The following PRKN variants were observed in gnomAD, a reference collection of about 807,000 sequenced individuals.
The protein encoded by PRKN is E3 ubiquitin-protein ligase parkin.
A neutral mutation model predicts 59.5 loss-of-function variants in PRKN; 56 were observed. The observed-to-expected ratio is 0.94, with a 90% confidence interval of 0.76 to 1.18. The LOEUF is 1.18. Among genes scored for constraint, PRKN ranks in the 50% most tolerant of loss-of-function variants. The probability of loss-of-function intolerance (pLI) is 0.00; values close to 1 mark genes in which losing one functional copy is unlikely to be tolerated. For synonymous variants in PRKN, 250 were observed against 222.1 expected (o/e 1.13, Z -1.12); for missense variants, 657 against 596.4 (o/e 1.10, Z -1.06).
intron 6 of PRKN, among the ~76,000 whole-genome samples, chr6:161,876,515 G>A (rs1377897408): frequency 6.6e-6 from 1 of 152,090 alleles, no homozygotes; most frequent in Non-Finnish European, 1.5e-5. Context: ...GCCTCACTAT[G>A]TTGCCCAGGC....
intron 4 of PRKN, among the ~76,000 whole-genome samples, chr6:162,143,500 CT>C (rs1216136394): frequency 2.0e-5 from 3 of 152,122 alleles, no homozygotes; most frequent in Non-Finnish European, 4.4e-5. Context: ...GACCAGACTT[CT>C]ACTACAGAGA....
chr6:161,607,014 A>C (rs1782308904), intron 7 of PRKN, among the ~76,000 whole-genome samples: 1 of 152,146 alleles, frequency 6.6e-6, no homozygotes, highest in Non-Finnish European at 1.5e-5. Flanking sequence ...CTGCATGTTG[A>C]TTGGTGATAG....
At chr6:162,095,590 A>G (rs1779691814) in intron 4 of PRKN, among the ~76,000 whole-genome samples, 1 of 152,242 alleles carries the variant, frequency 6.6e-6, no homozygotes, top group African/African-American at 2.4e-5. Flanking sequence ...TTACATCTGC[A>G]GAATAACTCA....
chr6:161,742,512 A>G (rs1426433627), intron 7 of PRKN, among the ~76,000 whole-genome samples: 1 of 152,186 alleles, frequency 6.6e-6, no homozygotes, highest in South Asian at 2.1e-4. Flanking sequence ...TTTCAAAACA[A>G]TATTTTAGTC....
chr6:161,763,911 C>T (rs1303000312), intron 7 of PRKN, among the ~76,000 whole-genome samples: 1 of 152,110 alleles, frequency 6.6e-6, no homozygotes, highest in Non-Finnish European at 1.5e-5. Flanking sequence ...TTTCACCTCT[C>T]CTCTTGCCCC....
intron 2 of PRKN, among the ~76,000 whole-genome samples, chr6:162,325,027 G>A (rs1324393747): frequency 6.6e-6 from 1 of 151,936 alleles, no homozygotes; most frequent in Non-Finnish European, 1.5e-5. Context: ...GAACTAAGCA[G>A]AACGAGGATA....
rs2072203498 is a variant in PRKN at position 161,732,075 on chromosome 6, T to C, written c.871+53697A>G. The stretch of plus-strand genomic sequence containing the variant: ...AGTACTAAGCCTAATACCCAACAGG[T>C]ACTTTTTCTTGTTCTATTTTTTTTT... On this transcript the variant is annotated intron_variant, in intron 7 of 11. Transcript: ENST00000366898. Among the ~76,000 whole-genome samples, 3 of 149,496 alleles carry C rather than the reference T, an allele frequency of 2.0e-5. 1 individual carries two copies. Among genetic ancestry groups the C allele is most frequent in the African/African-American group, 7.7e-5 (3 of 39,120 alleles).
chr6:161,641,362 A>G (rs185216361), intron 7 of PRKN, among the ~76,000 whole-genome samples: 28 of 152,262 alleles, frequency 1.8e-4, no homozygotes, highest in Admixed American at 1.1e-3. Flanking sequence ...CCTGCATTCA[A>G]TGGATCAGTT....
chr6:162,513,961 C>T (rs113234434), intron 1 of PRKN, among the ~76,000 whole-genome samples: 13,687 of 151,564 alleles, frequency 0.09, 656 homozygotes, highest in South Asian at 0.17. Context: ...CAGGAGAATC[C>T]CTTGAACCTG....
intron 6 of PRKN, among the ~76,000 whole-genome samples, chr6:161,951,544 A>G (rs1206624938): frequency 6.6e-6 from 1 of 152,218 alleles, no homozygotes; most frequent in Non-Finnish European, 1.5e-5. Flanking sequence ...TGGAATAGAC[A>G]AGCTCAAAAC....
At chr6:162,625,319 G>A (rs1359573156) in intron 1 of PRKN, among the ~76,000 whole-genome samples, 3 of 152,180 alleles carry the variant, frequency 2.0e-5, no homozygotes, top group East Asian at 1.9e-4. Flanking sequence ...GAAGGATGAC[G>A]TTAAAGTGAG....
At chr6:161,811,757 T>C (rs1791571769) in intron 6 of PRKN, among the ~76,000 whole-genome samples, 1 of 151,974 alleles carries the variant, frequency 6.6e-6, no homozygotes, top group Non-Finnish European at 1.5e-5. Context: ...ACTCCATCTC[T>C]ACTAAAAATA....
chr6:162,479,551 A>C (rs1414940603), intron 1 of PRKN, among the ~76,000 whole-genome samples: 1 of 152,116 alleles, frequency 6.6e-6, no homozygotes, highest in Non-Finnish European at 1.5e-5. Flanking sequence ...ATTTTTGTTA[A>C]AAAGCAAGAC....
intron 7 of PRKN, among the ~76,000 whole-genome samples, chr6:161,583,792 A>G (rs59999601): frequency 0.1 from 15,229 of 152,208 alleles, 2,601 homozygotes; most frequent in African/African-American, 0.35. Context: ...TGATACAGAC[A>G]TACATCATCG....
intron 7 of PRKN, among the ~76,000 whole-genome samples, chr6:161,768,237 C>G (rs1463057907): frequency 6.6e-6 from 1 of 152,044 alleles, no homozygotes; most frequent in Non-Finnish European, 1.5e-5. Context: ...TGGGATGGCT[C>G]AAATGCATCT....
rs1791511633 is a variant in PRKN at position 161,483,465 on chromosome 6, C to T, written c.1083+65389G>A. Among the ~76,000 whole-genome samples, 1 of 152,178 alleles carries T rather than the reference C, an allele frequency of 6.6e-6. No homozygotes were observed. Among genetic ancestry groups the T allele is most frequent in the Non-Finnish European group, 1.5e-5 (1 of 68,040 alleles). On this transcript the variant is annotated intron_variant, in intron 9 of 11. Transcript: ENST00000366898. The surrounding 1 kb of genome is among the most constrained non-coding windows in gnomAD (Gnocchi z 5.0). ...GCCTTCATGAACTTTCAGGCCTCAT[C>T]TATAAGGTCAGGAAAGGGGTCATAG...
At chr6:161,942,424 G>A (rs1248851600) in intron 6 of PRKN, among the ~76,000 whole-genome samples, 4 of 152,166 alleles carry the variant, frequency 2.6e-5, no homozygotes, top group East Asian at 1.9e-4. Flanking sequence ...CCAGCTACTC[G>A]GGAGGTTGAG....
At position 162,369,936 on chromosome 6, in the gene PRKN, C is replaced by T. The variant is rs577773335; in HGVS notation, c.171+73374G>A. On this transcript the variant is annotated intron_variant, in intron 2 of 11. Transcript: ENST00000366898. ...ATCCTCGTCATGGGGTCAGTGGAATCGGGGCAGTTTGCTGGAGTGAAAGCC... is the reference window on the plus strand; with the variant it reads ...ATCCTCGTCATGGGGTCAGTGGAATTGGGGCAGTTTGCTGGAGTGAAAGCC... Among the ~76,000 whole-genome samples, 107 of 152,228 alleles carry T rather than the reference C, an allele frequency of 7.0e-4. 1 individual carries two copies. The South Asian group carries it at 0.012, about 16-fold the overall frequency.
Position 162,134,864 on chromosome 6 carries a change from G to A in PRKN, c.534+66267C>T, listed in dbSNP as rs140749579. ...GCACTGTTGAAAACTAAAGATTAGA[G>A]TCCATTATTACAATAGAGCTATTTT... On this transcript the variant is annotated intron_variant, in intron 4 of 11. Transcript: ENST00000366898. Among the ~76,000 whole-genome samples, 16 of 152,214 alleles carry A rather than the reference G, an allele frequency of 1.1e-4. 1 individual carries two copies. The highest frequency in any genetic ancestry group is 3.9e-4 in the African/African-American group (16 of 41,544).
Sources: allele counts gnomAD v4.1 joint callset (sites outside exome capture counted in the v4.1 genomes callset), GRCh38; gene constraint gnomAD v4.1.1; non-coding constraint Gnocchi (gnomAD v3.1); transcripts MANE v1.5; gene names NCBI Gene and HGNC (gene_info 2026-07-23, HGNC 2026-07-21).